LMBR1: variants seen among roughly 807,000 people sequenced by gnomAD.
LMBR1 encodes limb region 1 protein homolog.
In LMBR1, 52 loss-of-function variants were observed where a neutral mutation model predicts 73.9. That is an observed-to-expected ratio of 0.70 (90% CI 0.56 to 0.89). The LOEUF (loss-of-function observed/expected upper bound fraction) is 0.89. Ranked by LOEUF, LMBR1 falls within the 40% of genes least tolerant of loss-of-function variation. LMBR1 has a pLI of 0.00. For synonymous variants in LMBR1, 215 were observed against 209.4 expected, an observed-to-expected ratio of 1.03 and a Z score of -0.23; for missense variants, 539 against 579.8, an observed-to-expected ratio of 0.93 and a Z score of 0.72.
intron 15 of LMBR1, among the ~76,000 whole-genome samples, chr7:156,721,693 T>C (rs1814617761): frequency 6.7e-6 from 1 of 149,520 alleles, no homozygotes; most frequent in African/African-American, 2.5e-5. Context: ...CTACAGATTC[T>C]TTGTGTTTCC....
At chr7:156,671,012 A>G (rs1232795902) in intron 4 of LMBR1, among the ~76,000 whole-genome samples, 1 of 152,178 alleles carries the variant, frequency 6.6e-6, no homozygotes, top group Non-Finnish European at 1.5e-5. Flanking sequence ...GAGGAAAATT[A>G]AGTATGCTCA....
chr7:156,860,239 C>A (rs1220636762), intron 1 of LMBR1, among the ~76,000 whole-genome samples: 1 of 152,150 alleles, frequency 6.6e-6, no homozygotes, highest in African/African-American at 2.4e-5. Flanking sequence ...GGGGAGGCCT[C>A]ACAATCATGG....
intron 9 of LMBR1, among the ~76,000 whole-genome samples, chr7:156,744,722 C>A (rs1048001957): frequency 1.3e-5 from 2 of 152,130 alleles, no homozygotes; most frequent in Non-Finnish European, 2.9e-5. Context: ...GCTGCTGCTA[C>A]AAATTATCAT....
intron 4 of LMBR1, among the ~76,000 whole-genome samples, chr7:156,817,662 CAAAT>C (rs915601092): frequency 9.2e-5 from 14 of 152,104 alleles, no homozygotes; most frequent in African/African-American, 3.4e-4. Context: ...TCTTAAAAAA[CAAAT>C]AATATGTCCA....
At chr7:156,724,086 A>G in intron 15 of LMBR1, 26 bp downstream of exon 15, 2 of 1,576,040 alleles carry the variant, frequency 1.3e-6, no homozygotes, top group South Asian at 2.3e-5. Context: ...TGGATCTTTA[A>G]GTGAAAATTT....
intron 4 of LMBR1, among the ~76,000 whole-genome samples, chr7:156,671,190 A>G (rs1802412856): frequency 6.6e-6 from 1 of 152,212 alleles, no homozygotes; most frequent in South Asian, 2.1e-4. Flanking sequence ...TTAAGAAACC[A>G]ATGGCAGGGC....
chr7:156,794,806 C>G (rs139293900), intron 5 of LMBR1, among the ~76,000 whole-genome samples: 5 of 152,268 alleles, frequency 3.3e-5, no homozygotes, highest in Middle Eastern at 3.4e-3. Context: ...AGGTGCAGGA[C>G]TGATTCGGTG....
At chr7:156,671,100 C>G (rs1027295996) in intron 4 of LMBR1, among the ~76,000 whole-genome samples, 1 of 152,094 alleles carries the variant, frequency 6.6e-6, no homozygotes, top group Admixed American at 6.5e-5. Context: ...AGGGCAATAG[C>G]TAAAAGAATA....
chr7:156,725,697 C>T, intron 13 of LMBR1, 67 bp downstream of exon 13: 1 of 1,434,610 alleles, frequency 7.0e-7, no homozygotes, highest in Non-Finnish European at 9.7e-7. Context: ...TAGTAAATAA[C>T]TACTGCCCCA....
chr7:156,676,478 C>T (rs138479637), downstream of LMBR1: 798 of 1,614,034 alleles, frequency 4.9e-4, no homozygotes, highest in Admixed American at 9.3e-4. Flanking sequence ...CCGCTGCTGG[C>T]GGTCAGCGCG....
Position 156,873,466 on chromosome 7 carries a change from G to A in LMBR1, c.66+19462C>T, listed in dbSNP as rs372365888. Among the ~76,000 whole-genome samples, 67 of 152,256 alleles carry A rather than the reference G, an allele frequency of 4.4e-4. No individual in the cohort carries two copies. In the East Asian group the frequency reaches 0.011, roughly 25 times the overall value. Reference sequence around the variant, plus strand: ...GCTTCCACAGTGTGGAAGGTGACCCGAGCGGGTTGCCAATGCTGGCTCGGG... The same window carrying A: ...GCTTCCACAGTGTGGAAGGTGACCCAAGCGGGTTGCCAATGCTGGCTCGGG... On this transcript the variant is annotated intron_variant, in intron 1 of 16. Transcript: ENST00000353442.
intron 1 of LMBR1, among the ~76,000 whole-genome samples, chr7:156,855,081 G>A (rs982596997): frequency 6.6e-6 from 1 of 152,152 alleles, no homozygotes; most frequent in African/African-American, 2.4e-5. Flanking sequence ...GAGTCAAAGA[G>A]TCAGAACCAG....
At chr7:156,707,059 C>T (rs1300465406) in intron 15 of LMBR1, among the ~76,000 whole-genome samples, 4 of 151,732 alleles carry the variant, frequency 2.6e-5, no homozygotes, top group African/African-American at 2.4e-5. Flanking sequence ...ACATTACAAC[C>T]GATACCACAG....
At chr7:156,837,362 A>C (rs1324717020) in intron 1 of LMBR1, among the ~76,000 whole-genome samples, 1 of 151,676 alleles carries the variant, frequency 6.6e-6, no homozygotes, top group Non-Finnish European at 1.5e-5. Context: ...GTGTTAATAA[A>C]ATATTAATTT....
Position 156,724,200 on chromosome 7 carries a change from A to T in LMBR1, c.1159-22T>A, listed in dbSNP as rs187716542. On this transcript the variant is annotated intron_variant, in intron 14 of 16. Coordinates refer to ENST00000353442, the MANE Select transcript of LMBR1 (RefSeq NM_022458.4). Reference sequence around the variant, plus strand: ...TGATCTGTTATGAGAAACGAGAAAGAATATTGGGCAGTTAAACAGCAGGAT... The same window carrying T: ...TGATCTGTTATGAGAAACGAGAAAGTATATTGGGCAGTTAAACAGCAGGAT... The T allele has an allele frequency of 6.0e-5, 95 of 1,583,562 alleles. 1 individual carries two copies. The highest frequency in any genetic ancestry group is 4.1e-4 in the Admixed American group (24 of 58,670).
chr7:156,789,179 T>C (rs59121961), intron 5 of LMBR1, among the ~76,000 whole-genome samples: 48,429 of 152,104 alleles, frequency 0.32, 7,977 homozygotes, highest in East Asian at 0.56. Context: ...CTTTTTCTAC[T>C]GTTAGTGTGT....
intron 4 of LMBR1, among the ~76,000 whole-genome samples, chr7:156,813,704 T>TA (rs1833469763): frequency 6.6e-6 from 1 of 152,210 alleles, no homozygotes; most frequent in Admixed American, 6.5e-5. Flanking sequence ...TGTTCTTTGA[T>TA]ACACTCAGAA....
At chr7:156,887,332 G>A (rs115645212) in intron 1 of LMBR1, among the ~76,000 whole-genome samples, 3,040 of 151,938 alleles carry the variant, frequency 0.02, 101 homozygotes, top group African/African-American at 0.068. Context: ...GTGTGGTGAC[G>A]CTCGCCTGTA....
At chr7:156,820,809 C>A (rs1198930097) in intron 4 of LMBR1, among the ~76,000 whole-genome samples, 5 of 152,136 alleles carry the variant, frequency 3.3e-5, no homozygotes, top group Non-Finnish European at 4.4e-5. Flanking sequence ...GAAGGCTCTG[C>A]GGCAGCTCCA....
Sources: allele counts gnomAD v4.1 joint callset (sites outside exome capture counted in the v4.1 genomes callset), GRCh38; gene constraint gnomAD v4.1.1; transcripts MANE v1.5; gene names NCBI Gene and HGNC (gene_info 2026-07-23, HGNC 2026-07-21).